The following ARHGEF7 variants were observed in gnomAD, a reference collection of about 807,000 sequenced individuals.
The protein encoded by ARHGEF7 is PAK-interacting exchange factor beta.
A neutral mutation model predicts 109.8 loss-of-function variants in ARHGEF7; 33 were observed. That is an observed-to-expected ratio of 0.30 (90% CI 0.23 to 0.40). ARHGEF7 has a LOEUF of 0.40. Among genes scored for constraint, ARHGEF7 ranks in the 10% least tolerant of loss-of-function variants. ARHGEF7 has a pLI of 1.00. For synonymous variants in ARHGEF7, 458 were observed against 424.6 expected (o/e 1.08, Z -0.97); for missense variants, 938 against 1,098.5 (o/e 0.85, Z 2.07).
chr13:111,267,924 TAGTA>T (rs10617605), intron 9 of ARHGEF7, among the ~76,000 whole-genome samples: 18,727 of 152,160 alleles, frequency 0.12, 1,137 homozygotes, highest in South Asian at 0.22. Context: ...TTGAAGGGGT[TAGTA>T]AGTGTTCTGG....
intron 2 of ARHGEF7, among the ~76,000 whole-genome samples, chr13:111,155,731 C>T (rs865928244): frequency 3.5e-4 from 53 of 152,282 alleles, no homozygotes; most frequent in African/African-American, 1.2e-3. Context: ...TCAATTGGCA[C>T]ATTAAGATTA....
intron 8 of ARHGEF7, among the ~76,000 whole-genome samples, chr13:111,247,379 C>T (rs1212343525): frequency 6.6e-6 from 1 of 152,086 alleles, no homozygotes; most frequent in African/African-American, 2.4e-5. Flanking sequence ...AGTGATTCTC[C>T]TGCCTCAGCC....
intron 8 of ARHGEF7, among the ~76,000 whole-genome samples, chr13:111,260,323 C>G (rs774632194): frequency 6.6e-6 from 1 of 152,158 alleles, no homozygotes; most frequent in Non-Finnish European, 1.5e-5. Flanking sequence ...ATTTAATAAG[C>G]AAACTCCCAT....
chr13:111,210,066 T>C, intron 4 of ARHGEF7, 64 bp downstream of exon 4: 1 of 1,597,464 alleles, frequency 6.3e-7, no homozygotes, highest in Non-Finnish European at 8.6e-7. Context: ...TATGGATATA[T>C]CTGAGAAGAT....
chr13:111,133,117 A>C (rs1268999667), intron 1 of ARHGEF7, among the ~76,000 whole-genome samples: 4 of 152,188 alleles, frequency 2.6e-5, no homozygotes, highest in Non-Finnish European at 5.9e-5. Flanking sequence ...CATGCTATCT[A>C]CACATTTATA....
In ARHGEF7 at chr13:111,153,943, C is replaced by A. The variant is rs1339720813; in HGVS notation, c.204C>A (p.Ser68Arg). The change falls in exon 2 of 22, where the codon AGC (serine) becomes AGA (arginine). Residue 68 changes from serine to arginine, a missense_variant. Ser to Arg is a moderately radical substitution (Grantham distance 110). This residue lies in a region of ARHGEF7 where 165 missense variants were observed against 125.8 expected (regional missense o/e 1.31). Transcript: ENST00000646102. ...CCCGGAGCGAGAGCGAGTGCCTGAG[C>A]AACATCCGCGAGTTCCTGCGCGGCT... Reference protein sequence around the residue: ...PEPRSESECLSNIREFLRGCG... With the variant: ...PEPRSESECLRNIREFLRGCG... 1 of 1,605,582 alleles carries A rather than the reference C, an allele frequency of 6.2e-7. No individual in the cohort carries two copies. The highest frequency in any genetic ancestry group is 1.4e-5 in the African/African-American group (1 of 73,356).
In ARHGEF7 at chr13:111,145,770, G is replaced by A. The variant is rs2075559615; in HGVS notation, c.166-8135G>A. ...AGAGCAGGGAAGCCTGGTTGATGCAGTCCTCAGAGGCTGGTGCAGGTTGGT... is the reference window on the plus strand; with the variant it reads ...AGAGCAGGGAAGCCTGGTTGATGCAATCCTCAGAGGCTGGTGCAGGTTGGT... On this transcript the variant is annotated intron_variant, in intron 1 of 21. Transcript: ENST00000646102. The surrounding 1 kb of genome is among the most constrained non-coding windows in gnomAD (Gnocchi z 4.3). Among the ~76,000 whole-genome samples the A allele has an allele frequency of 6.6e-6, 1 of 152,228 alleles. No individual in the cohort carries two copies. The highest frequency in any genetic ancestry group is 1.5e-5 in the Non-Finnish European group (1 of 68,036).
At position 111,218,673 on chromosome 13, in the gene ARHGEF7, C is replaced by T. The variant is rs1231037318; in HGVS notation, c.670+793C>T. On this transcript the variant is annotated intron_variant, in intron 5 of 21. Transcript: ENST00000646102. ...ACAAAATTGTAGCTCTGCTCTAGGG[C>T]TTGGGTGACTGAGCCTCAGAGCCAC... is the stretch of plus-strand genomic sequence containing the variant. 5.3e-5 allele frequency among the ~76,000 whole-genome samples: 8 copies of T among 152,100 alleles called. No homozygotes were observed. The East Asian group carries it at 1.5e-3, about 29-fold the overall frequency.
At chr13:111,296,303 C>T (rs2093426658) in intron 19 of ARHGEF7, among the ~76,000 whole-genome samples, 1 of 152,168 alleles carries the variant, frequency 6.6e-6, no homozygotes, top group South Asian at 2.1e-4. Flanking sequence ...GTTTTGTGCT[C>T]ATGTTAACAC....
intron 1 of ARHGEF7, chr13:111,144,145 G>A (rs1310081486): frequency 6.6e-6 from 1 of 152,146 alleles, no homozygotes; most frequent in Non-Finnish European, 1.5e-5. Context: ...ATTTAGGTTG[G>A]GAACTGGAGG....
At chr13:111,161,172 A>G (rs921537647) in intron 2 of ARHGEF7, among the ~76,000 whole-genome samples, 8 of 152,248 alleles carry the variant, frequency 5.3e-5, no homozygotes, top group Non-Finnish European at 1.0e-4. Context: ...GAGAATGTGT[A>G]CATGATGCTG....
At chr13:111,196,626 G>A (rs1005379068) in intron 2 of ARHGEF7, among the ~76,000 whole-genome samples, 7 of 152,100 alleles carry the variant, frequency 4.6e-5, no homozygotes, top group East Asian at 3.9e-4. Context: ...CCGATAGCCC[G>A]GGGGTTTTTG....
At position 111,304,075 on chromosome 13, in the gene ARHGEF7, GGCCA is replaced by G. The variant is rs1230739490; in HGVS notation, c.*966_*969del. On this transcript the variant is annotated 3_prime_UTR_variant, in exon 22 of 22. Transcript: ENST00000646102. The stretch of plus-strand genomic sequence containing the variant: ...ACTGATGGGTGGAGTTTTGTCATCA[GGCCA>G]GCCTCATCCCGAGGTCTCCTCCACC... 1 of 152,244 alleles carries G rather than the reference GGCCA, an allele frequency of 6.6e-6. No homozygotes were observed. Among genetic ancestry groups the G allele is most frequent in the African/African-American group, 2.4e-5 (1 of 41,472 alleles). The allele number at this position is 152,244 out of a possible 1,614,324, so 9.4% of individuals were successfully genotyped here. A position where few individuals can be genotyped will look rare whatever the true frequency, so the allele number is the denominator to read the frequency against.
intron 2 of ARHGEF7, among the ~76,000 whole-genome samples, chr13:111,190,223 G>A (rs999369051): frequency 1.3e-5 from 2 of 152,168 alleles, no homozygotes; most frequent in Admixed American, 6.5e-5. Context: ...TACAGGGCCC[G>A]AAGGCGAGTA....
At chr13:111,190,805 A>T (rs916350263) in intron 2 of ARHGEF7, among the ~76,000 whole-genome samples, 3 of 152,160 alleles carry the variant, frequency 2.0e-5, no homozygotes, top group Non-Finnish European at 4.4e-5. Flanking sequence ...ACATAAGAAG[A>T]ATACATCTTG....
intron 5 of ARHGEF7, among the ~76,000 whole-genome samples, chr13:111,226,378 A>G (rs1006884449): frequency 2.0e-5 from 3 of 152,244 alleles, no homozygotes; most frequent in Admixed American, 6.5e-5. Context: ...GGCCACACCA[A>G]CAGGCTGACT....
intron 12 of ARHGEF7, chr13:111,276,011 A>G (rs2092458025): frequency 3.5e-6 from 1 of 285,776 alleles, no homozygotes; most frequent in South Asian, 4.1e-5. Flanking sequence ...TCTGGCCAGC[A>G]ACTTTGTACC....
In ARHGEF7 at chr13:111,283,239, G is replaced by T; in HGVS notation, c.1826G>T (p.Gly609Val). 1 of 1,587,270 alleles carries T rather than the reference G, an allele frequency of 6.3e-7. No homozygotes were observed. ...YHTLPHPSHHGTPHTTINWGP... is the reference protein window; with the variant it reads ...YHTLPHPSHHVTPHTTINWGP... ...ACGCTGCCCCACCCCTCCCACCACGGCACCCCGCACACCACCATCAACTGG... is the reference window on the plus strand; with the variant it reads ...ACGCTGCCCCACCCCTCCCACCACGTCACCCCGCACACCACCATCAACTGG... Residue 609 changes from glycine (G) to valine (V), a missense_variant, in exon 16 of 22, where the codon GGC becomes GTC. This residue lies in a region of ARHGEF7 where 585 missense variants were observed against 723.6 expected (regional missense o/e 0.81). Coordinates refer to ENST00000646102, the MANE Select transcript of ARHGEF7 (RefSeq NM_001354046.2).
chr13:111,247,299 T>C (rs2089035271), intron 8 of ARHGEF7, among the ~76,000 whole-genome samples: 1 of 152,084 alleles, frequency 6.6e-6, no homozygotes, highest in South Asian at 2.1e-4. Context: ...TACAGAATCT[T>C]GCTCTGTTGC....
Sources: gnomAD v4.1 joint callset for allele counts (sites outside exome capture counted in the v4.1 genomes callset) on GRCh38, gnomAD v4.1.1 for gene constraint, gnomAD v4.1.1 regional missense constraint, Gnocchi (gnomAD v3.1) non-coding constraint, MANE v1.5 for transcripts, NCBI Gene and HGNC (gene_info 2026-07-23, HGNC 2026-07-21) for gene names.